The following CTNNA3 variants were observed in gnomAD, a reference collection of about 807,000 sequenced individuals.
CTNNA3 encodes catenin alpha 3.
A neutral mutation model predicts 95.7 loss-of-function variants in CTNNA3; 76 were observed. That is an observed-to-expected ratio of 0.79 (90% CI 0.66 to 0.96). The LOEUF (loss-of-function observed/expected upper bound fraction) is 0.96. Among genes scored for constraint, CTNNA3 ranks in the 40% least tolerant of loss-of-function variants. The pLI, the probability that CTNNA3 is intolerant of heterozygous loss-of-function variation, is 0.00. For missense variants in CTNNA3, 1,191 were observed against 1,089.8 expected (o/e 1.09, Z -1.31); for synonymous variants, 431 against 374.4 (o/e 1.15, Z -1.74).
At chr10:66,522,958 A>G (rs1206373211) in intron 10 of CTNNA3, among the ~76,000 whole-genome samples, 1 of 152,114 alleles carries the variant, frequency 6.6e-6, no homozygotes, top group African/African-American at 2.4e-5. Context: ...TCACCACATT[A>G]TTGGAGGTAG....
chr10:67,328,689 C>T (rs1382115621), intron 5 of CTNNA3, among the ~76,000 whole-genome samples: 1 of 152,162 alleles, frequency 6.6e-6, no homozygotes, highest in Non-Finnish European at 1.5e-5. Flanking sequence ...GCTTTCTCAC[C>T]CTTCAGCCCA....
intron 5 of CTNNA3, among the ~76,000 whole-genome samples, chr10:67,251,446 T>C (rs1239804304): frequency 6.6e-6 from 1 of 152,208 alleles, no homozygotes; most frequent in Admixed American, 6.5e-5. Flanking sequence ...AACTATTGAA[T>C]TGTATAATTT....
intron 17 of CTNNA3, among the ~76,000 whole-genome samples, chr10:65,926,639 G>A (rs1035221880): frequency 2.0e-5 from 3 of 151,922 alleles, no homozygotes; most frequent in African/African-American, 4.8e-5. Flanking sequence ...ACCACACCTG[G>A]CTAATTTTGT....
intron 12 of CTNNA3, among the ~76,000 whole-genome samples, chr10:66,348,950 CTGA>C (rs1168294316): frequency 6.6e-6 from 1 of 152,066 alleles, no homozygotes; most frequent in Non-Finnish European, 1.5e-5. Context: ...AAATATTTCT[CTGA>C]TGTGTCAGGT....
chr10:66,122,444 C>T (rs12762753), intron 13 of CTNNA3, among the ~76,000 whole-genome samples: 1,821 of 152,196 alleles, frequency 0.012, 14 homozygotes, highest in Non-Finnish European at 0.019. Flanking sequence ...AATGGCTGAT[C>T]GTTTTCAGCA....
intron 5 of CTNNA3, among the ~76,000 whole-genome samples, chr10:67,315,764 G>T (rs986981472): frequency 1.3e-5 from 2 of 151,958 alleles, no homozygotes; most frequent in African/African-American, 4.8e-5. Flanking sequence ...TAAAGAATAA[G>T]ATATCAAAAA....
At chr10:66,525,646 T>C (rs1308672377) in intron 10 of CTNNA3, among the ~76,000 whole-genome samples, 4 of 152,134 alleles carry the variant, frequency 2.6e-5, no homozygotes, top group African/African-American at 4.8e-5. Flanking sequence ...TGTGTGCATG[T>C]GAAAGAGAGA....
At chr10:66,385,985 A>C (rs765194518) in intron 11 of CTNNA3, among the ~76,000 whole-genome samples, 7 of 152,164 alleles carry the variant, frequency 4.6e-5, no homozygotes, top group Non-Finnish European at 8.8e-5. Flanking sequence ...AGCCCCCAAT[A>C]TCATACTGAA....
intron 7 of CTNNA3, chr10:66,837,569 T>C (rs1287254531): frequency 1.3e-5 from 2 of 152,062 alleles, no homozygotes; most frequent in African/African-American, 4.8e-5. Flanking sequence ...ATTAAAGCAT[T>C]TCCTATTCAA....
chr10:66,256,537 T>C (rs183800714), intron 13 of CTNNA3, among the ~76,000 whole-genome samples: 8 of 152,030 alleles, frequency 5.3e-5, no homozygotes, highest in Admixed American at 3.3e-4. Flanking sequence ...CTGGCCAACA[T>C]GGAGAAACCC....
intron 10 of CTNNA3, among the ~76,000 whole-genome samples, chr10:66,568,823 C>T (rs751029493): frequency 6.6e-6 from 1 of 151,828 alleles, no homozygotes; most frequent in Admixed American, 6.6e-5. Flanking sequence ...GATAACAGGA[C>T]AATTTACATA....
chr10:66,890,098 C>T (rs1225463582), intron 7 of CTNNA3, among the ~76,000 whole-genome samples: 2 of 152,098 alleles, frequency 1.3e-5, no homozygotes, highest in Non-Finnish European at 2.9e-5. Flanking sequence ...GCCGGAACCA[C>T]AGATTTAAGT....
chr10:67,137,745 T>C (rs1351474166), intron 7 of CTNNA3, among the ~76,000 whole-genome samples: 2 of 151,922 alleles, frequency 1.3e-5, no homozygotes, highest in African/African-American at 4.8e-5. Context: ...AATAAATATG[T>C]TTAATTAAAT....
rs1047274636 is a variant in CTNNA3 at position 66,575,164 on chromosome 10, G to A, written c.1374+46528C>T. ...AGTATCTCTTTTCTCCGGAAGAGAG[G>A]CATGGGAGGAGGGGAGAGAAAAAGG... On this transcript the variant is annotated intron_variant, in intron 10 of 17. Transcript: ENST00000433211. Among the ~76,000 whole-genome samples the A allele has an allele frequency of 1.3e-5, 2 of 152,084 alleles. 1 individual carries two copies. Among genetic ancestry groups the A allele is most frequent in the South Asian group, 4.1e-4 (2 of 4,824 alleles).
chr10:66,429,305 G>T (rs1160507081), intron 11 of CTNNA3, among the ~76,000 whole-genome samples: 6 of 152,108 alleles, frequency 3.9e-5, no homozygotes, highest in Non-Finnish European at 8.8e-5. Flanking sequence ...CGGATTCACA[G>T]CCGATTTCTA....
At chr10:67,615,773 G>A (rs945575044) in intron 2 of CTNNA3, among the ~76,000 whole-genome samples, 2 of 146,346 alleles carry the variant, frequency 1.4e-5, no homozygotes, top group African/African-American at 5.1e-5. Flanking sequence ...AGCGATTCTC[G>A]TGCCTCAGCC....
At chr10:67,639,207 A>C (rs555506775) in intron 2 of CTNNA3, among the ~76,000 whole-genome samples, 1 of 152,240 alleles carries the variant, frequency 6.6e-6, no homozygotes, top group African/African-American at 2.4e-5. Flanking sequence ...ACAAACTACC[A>C]TCAGAGAATA....
At chr10:66,552,151 C>G (rs1842239675) in intron 10 of CTNNA3, among the ~76,000 whole-genome samples, 1 of 152,054 alleles carries the variant, frequency 6.6e-6, no homozygotes, top group African/African-American at 2.4e-5. Context: ...GATCCACCCG[C>G]CTTGGCCTCC....
Position 67,405,798 on chromosome 10 carries a change from C to T in CTNNA3, c.579+116044G>A, listed in dbSNP as rs190843509. On this transcript the variant is annotated intron_variant, in intron 5 of 17. Transcript: ENST00000433211. Reference sequence around the variant, plus strand: ...CTTACTCTAAAATTGGTCACATAATCAGAAGTAAAACACTCCTCAGCAAAT... The same window carrying T: ...CTTACTCTAAAATTGGTCACATAATTAGAAGTAAAACACTCCTCAGCAAAT... 5.0e-3 allele frequency among the ~76,000 whole-genome samples: 755 copies of T among 152,242 alleles called. 9 individuals are homozygous for T. The highest frequency in any genetic ancestry group is 0.017 in the African/African-American group (716 of 41,542).
Sources: gnomAD v4.1 joint callset for allele counts (sites outside exome capture counted in the v4.1 genomes callset) on GRCh38, gnomAD v4.1.1 for gene constraint, MANE v1.5 for transcripts, NCBI Gene and HGNC (gene_info 2026-07-23, HGNC 2026-07-21) for gene names.